The following POLR2C variants were observed in gnomAD, a reference collection of about 807,000 sequenced individuals.
POLR2C encodes the protein DNA-directed RNA polymerase II subunit RPB3.
POLR2C carries 36 observed loss-of-function variants against 41.7 expected under a neutral mutation model. The observed-to-expected ratio is 0.86, with a 90% CI of 0.66 to 1.14. The LOEUF (loss-of-function observed/expected upper bound fraction) is 1.14, where lower values mean the gene tolerates loss of function less well. Among genes scored for constraint, POLR2C ranks in the 50% most tolerant of loss-of-function variants. The pLI is 0.00. For synonymous variants in POLR2C, 133 were observed against 137.8 expected, an observed-to-expected ratio of 0.96 and a Z score of 0.25; for missense variants, 260 against 350.4, an observed-to-expected ratio of 0.74 and a Z score of 2.06.
At chr16:57,465,759 G>A (rs562344866) in intron 2 of POLR2C, 194 bp from the exon 3 acceptor site, 64 of 556,904 alleles carry the variant, frequency 1.1e-4, no homozygotes, top group African/African-American at 1.1e-3. Flanking sequence ...AAATTCACCT[G>A]GGCAGGGAGG....
intron 4 of POLR2C, 143 bp downstream of exon 4, chr16:57,466,370 C>G: frequency 1.5e-6 from 1 of 680,880 alleles, no homozygotes; most frequent in East Asian, 2.6e-5. Flanking sequence ...AGAGCCTGGG[C>G]AGGCCTTGGT....
rs990199784 is a variant in POLR2C, at chr16:57,470,442, C to A, written c.683+88C>A. 7.5e-6 allele frequency: 7 copies of A among 931,724 alleles called. No individual in the cohort carries two copies. The East Asian group carries it at 1.0e-4, about 14-fold the overall frequency. 57.7% of individuals were successfully genotyped at this position (931,724 alleles called of 1,614,324 possible). The stretch of plus-strand genomic sequence containing the variant: ...CGTGAGTTAGGCATTCCCTCTCCCC[C>A]ACCTCGCAGTTCTCATAAGCTGAGG... On this transcript the variant is annotated intron_variant, in intron 8 of 8. Transcript: ENST00000219252.
At chr16:57,465,876 A>G in intron 2 of POLR2C, 77 bp from the exon 3 acceptor site, 1 of 924,404 alleles carries the variant, frequency 1.1e-6, no homozygotes, top group East Asian at 2.4e-5. Flanking sequence ...GTGATTCCTA[A>G]ATCTTGAGAA....
chr16:57,468,986 T>C (rs1285722347), intron 4 of POLR2C, among the ~76,000 whole-genome samples, 179 bp from the exon 5 acceptor site: 1 of 152,192 alleles, frequency 6.6e-6, no homozygotes, highest in East Asian at 1.9e-4. Context: ...ACTTGGGCAG[T>C]CCATGAGAAT....
intron 4 of POLR2C, among the ~76,000 whole-genome samples, chr16:57,467,094 G>A (rs1280206393): frequency 1.3e-5 from 2 of 152,056 alleles, no homozygotes; most frequent in Non-Finnish European, 2.9e-5. Flanking sequence ...TTAGCCGAGC[G>A]TGGTCCCGCT....
At chr16:57,466,068 A>G (rs367695660) in intron 3 of POLR2C, 47 bp downstream of exon 3, 4 of 1,432,472 alleles carry the variant, frequency 2.8e-6, no homozygotes, top group Non-Finnish European at 3.9e-6. Context: ...TATTGTGCCT[A>G]GTGTCAGGAG....
chr16:57,469,967 T>A lies in POLR2C; in HGVS notation c.446T>A (p.Leu149His). The A allele has an allele frequency of 6.2e-7, 1 of 1,613,614 alleles. No individual in the cohort carries two copies. Among genetic ancestry groups the A allele is most frequent in the Non-Finnish European group, 8.5e-7 (1 of 1,179,852 alleles). Residue 149 changes from leucine to histidine, a missense_variant, in exon 7 of 9, where the codon CTC (leucine) becomes CAC (histidine). Coordinates refer to ENST00000219252, the MANE Select transcript of POLR2C (RefSeq NM_032940.3). The surrounding 1 kb of genome is among the most constrained non-coding windows in gnomAD (Gnocchi z 5.8). ...CTTGTGCCTCTCCCTGCAGACATCC[T>A]CATCGTCAAGTTGAGAAAGGGCCAG... ...PNDYVEQDDI[L>H]IVKLRKGQEL...
In POLR2C at chr16:57,471,299, T is replaced by C. The variant is rs2030831960; in HGVS notation, c.*180T>C. On this transcript the variant is annotated 3_prime_UTR_variant, in exon 9 of 9. Coordinates refer to ENST00000219252, the MANE Select transcript of POLR2C (RefSeq NM_032940.3). ...AGATTACCAGGGATGCAGTGGTGTT[T>C]AGGCAGGATAGGTCTTTACTGGCCC... 4 of 595,056 alleles carry C rather than the reference T, an allele frequency of 6.7e-6. No homozygotes were observed. The highest frequency in any genetic ancestry group is 1.9e-5 in the African/African-American group (1 of 53,748). The allele number at this position is 595,056 out of a possible 1,614,324, so 36.9% of individuals were successfully genotyped here. A position where few individuals can be genotyped will look rare whatever the true frequency, so the allele number is the denominator to read the frequency against.
At position 57,469,311 on chromosome 16, in the gene POLR2C, T is replaced by G; in HGVS notation, c.387+18T>G. 1 of 1,611,826 alleles carries G rather than the reference T, an allele frequency of 6.2e-7. No individual in the cohort carries two copies. The highest frequency in any genetic ancestry group is 8.5e-7 in the Non-Finnish European group (1 of 1,179,672). ...TCATTCCGGTCAGTGCGGGAGAGCA[T>G]CCTCTTTTCCCTGGGATCTTTTCTC... On this transcript the variant is annotated intron_variant, in intron 5 of 8. Transcript: ENST00000219252. The surrounding 1 kb of genome is among the most constrained non-coding windows in gnomAD (Gnocchi z 5.8).
rs2030861319 is a variant in POLR2C at position 57,471,875 on chromosome 16, T to TG, written c.*757dup. The TG allele has an allele frequency of 6.6e-6, 1 of 152,664 alleles. No homozygotes were observed. The highest frequency in any genetic ancestry group is 6.5e-5 in the Admixed American group (1 of 15,304). 9.5% of individuals were successfully genotyped at this position (152,664 alleles called of 1,614,324 possible). A position where few individuals can be genotyped will look rare whatever the true frequency, so the allele number is the denominator to read the frequency against. On this transcript the variant is annotated 3_prime_UTR_variant, in exon 9 of 9. Transcript: ENST00000219252. ...TCAGCACTGTCTCCAGATAGGAACA[T>TG]GCACAAAGCAGTTAATTAGGCAGCC...
Position 57,469,655 on chromosome 16 carries a change from G to C in POLR2C, c.388-55G>C. On this transcript the variant is annotated intron_variant, in intron 5 of 8. Transcript: ENST00000219252. This position sits in a 1 kb window ranked among gnomAD's most constrained non-coding sequence, Gnocchi z 5.8. The stretch of plus-strand genomic sequence containing the variant: ...TAGAGGTGCTGGGATATGGATGCCA[G>C]AGGAGGTGACTGGGGAGGTGAGCAG... 7.0e-7 allele frequency: 1 copy of C among 1,421,224 alleles called. No individual in the cohort carries two copies. Among genetic ancestry groups the C allele is most frequent in the South Asian group, 1.1e-5 (1 of 87,120 alleles). The allele number at this position is 1,421,224 out of a possible 1,614,324, so 88.0% of individuals were successfully genotyped here.
chr16:57,471,214 TCTA>T lies in POLR2C; in HGVS notation c.*98_*100del. 1 of 1,109,584 alleles carries T rather than the reference TCTA, an allele frequency of 9.0e-7. No individual in the cohort carries two copies. The highest frequency in any genetic ancestry group is 1.8e-5 in the Admixed American group (1 of 55,006). The allele number at this position is 1,109,584 out of a possible 1,614,324, so 68.7% of individuals were successfully genotyped here. Reference sequence around the variant, plus strand: ...ACTCTTCTCGTTTCTGAGAATCTAGTCTACTGTTGGTTGAGCTTCTTGGCAGGA... The same window carrying T: ...ACTCTTCTCGTTTCTGAGAATCTAGTCTGTTGGTTGAGCTTCTTGGCAGGA... On this transcript the variant is annotated 3_prime_UTR_variant, in exon 9 of 9. Coordinates refer to ENST00000219252, the MANE Select transcript of POLR2C (RefSeq NM_032940.3).
intron 1 of POLR2C, 59 bp downstream of exon 1, chr16:57,462,869 G>A: frequency 1.0e-6 from 1 of 973,740 alleles, no homozygotes; most frequent in Non-Finnish European, 1.5e-6. Flanking sequence ...CCAAGCCGGG[G>A]CCCCGGGGCA....
At position 57,469,953 on chromosome 16, in the gene POLR2C, C is replaced by T. The variant is rs1377787050; in HGVS notation, c.440-8C>T. On this transcript the variant is annotated splice_polypyrimidine_tract_variant and splice_region_variant and intron_variant, in intron 6 of 8. Transcript: ENST00000219252. This position sits in a 1 kb window ranked among gnomAD's most constrained non-coding sequence, Gnocchi z 5.8. ...TGGCCCTTGACTGACTTGTGCCTCT[C>T]CCTGCAGACATCCTCATCGTCAAGT... 3 of 1,610,710 alleles carry T rather than the reference C, an allele frequency of 1.9e-6. No homozygotes were observed. The highest frequency in any genetic ancestry group is 2.5e-6 in the Non-Finnish European group (3 of 1,179,372).
chr16:57,464,611 C>T (rs1009652634), intron 2 of POLR2C, among the ~76,000 whole-genome samples: 6 of 152,100 alleles, frequency 3.9e-5, no homozygotes, highest in Admixed American at 3.9e-4. Context: ...AATAAGCAGG[C>T]CAAATGATTA....
chr16:57,462,931 C>T (rs2030610502), intron 1 of POLR2C, 98 bp from the exon 2 acceptor site: 1 of 1,178,432 alleles, frequency 8.5e-7, no homozygotes, highest in Non-Finnish European at 1.2e-6. Context: ...TCCAGAGCTG[C>T]CCCCCTGCAC....
rs1384016175 is a variant in POLR2C at position 57,470,338 on chromosome 16, A to G, written c.667A>G (p.Asn223Asp). 1 of 1,609,420 alleles carries G rather than the reference A, an allele frequency of 6.2e-7. No homozygotes were observed. The highest frequency in any genetic ancestry group is 2.2e-5 in the East Asian group (1 of 44,706). Residue 223 changes from asparagine (N) to aspartate (D), a missense_variant, in exon 8 of 9, where the codon AAC (asparagine) becomes GAC (aspartate). By Grantham distance (23) the Asn-to-Asp change is conservative (BLOSUM62 1). Transcript: ENST00000219252. Reference sequence around the variant, plus strand: ...TGAGTCGCAGGCTCCCTATGACCCCAACGGCAAGCCAGAAAGGTAAGAGCC... The same window carrying G: ...TGAGTCGCAGGCTCCCTATGACCCCGACGGCAAGCCAGAAAGGTAAGAGCC... ...EDESQAPYDP[N>D]GKPERFYYNV...
At chr16:57,464,798 G>A (rs1177186717) in intron 2 of POLR2C, among the ~76,000 whole-genome samples, 1 of 151,938 alleles carries the variant, frequency 6.6e-6, no homozygotes, top group Non-Finnish European at 1.5e-5. Context: ...ATGCAGCCCT[G>A]CCATTCTGAG....
At chr16:57,465,355 A>C (rs2030679948) in intron 2 of POLR2C, among the ~76,000 whole-genome samples, 1 of 152,212 alleles carries the variant, frequency 6.6e-6, no homozygotes, top group Non-Finnish European at 1.5e-5. Flanking sequence ...GAATGAATAA[A>C]TGTGTGTTTA....
Sources: gnomAD v4.1 joint callset for allele counts (sites outside exome capture counted in the v4.1 genomes callset) on GRCh38, gnomAD v4.1.1 for gene constraint, Gnocchi (gnomAD v3.1) non-coding constraint, MANE v1.5 for transcripts, NCBI Gene and HGNC (gene_info 2026-07-23, HGNC 2026-07-21) for gene names.